Variants in TTC39C observed in about 807,000 individuals in gnomAD.
TTC39C encodes the protein tetratricopeptide repeat protein 39C.
Under a neutral mutation model 76.3 loss-of-function variants are expected in TTC39C, and 33 were observed. The observed-to-expected ratio is 0.43, with a 90% CI of 0.33 to 0.58. The LOEUF (loss-of-function observed/expected upper bound fraction) is 0.58. TTC39C is among the 20% of genes least tolerant of loss of function. The probability of loss-of-function intolerance (pLI) is 0.04; values close to 1 mark genes in which losing one functional copy is unlikely to be tolerated. For synonymous variants in TTC39C, 254 were observed against 260.6 expected (o/e 0.97, Z 0.24); for missense variants, 595 against 701.4 (o/e 0.85, Z 1.71).
chr18:24,021,539 CTTTT>C (rs60505555), intron 1 of TTC39C, among the ~76,000 whole-genome samples: 128 of 118,864 alleles, frequency 1.1e-3, no homozygotes, highest in Middle Eastern at 4.9e-3. Flanking sequence ...TTCTTTCCTT[CTTTT>C]TTTTTTTTTT....
In TTC39C at chr18:24,123,830, AC is replaced by A. The variant is rs1161150211; in HGVS notation, c.1187-3del. The A allele has an allele frequency of 4.4e-6, 7 of 1,601,466 alleles. No homozygotes were observed. Among genetic ancestry groups the A allele is most frequent in the Non-Finnish European group, 6.0e-6 (7 of 1,174,624 alleles). On this transcript the variant is annotated splice_polypyrimidine_tract_variant and splice_region_variant and intron_variant, in intron 8 of 13. Coordinates refer to ENST00000317571, the MANE Select transcript of TTC39C (RefSeq NM_001135993.2). ...TTAAGAAATATAATTATGGTTTCTT[AC>A]AGTTTGTCAGGGAGCCACTGGTGAT...
chr18:24,133,170 AAG>A lies in TTC39C; in HGVS notation c.*597_*598del, dbSNP rs1309438809. ...TGTTATCAGCAGAGCAATGAATAGA[AAG>A]CAGATCTCCTGACCACCAACTGACT... On this transcript the variant is annotated 3_prime_UTR_variant, in exon 14 of 14. Transcript: ENST00000317571. The A allele has an allele frequency of 6.6e-6, 1 of 152,218 alleles. No homozygotes were observed. Among genetic ancestry groups the A allele is most frequent in the Non-Finnish European group, 1.5e-5 (1 of 68,038 alleles). The allele number at this position is 152,218 out of a possible 1,614,324, so 9.4% of individuals were successfully genotyped here. A position where few individuals can be genotyped will look rare whatever the true frequency, so the allele number is the denominator to read the frequency against.
rs151160503 is a variant in TTC39C, at chr18:24,052,365, G to A, written c.168-11775G>A. On this transcript the variant is annotated intron_variant, in intron 1 of 13. Coordinates refer to ENST00000317571, the MANE Select transcript of TTC39C (RefSeq NM_001135993.2). ...CCCAGCACATAGCACTGGGCCGGCT[G>A]TGTACTTGGTGTTCAGCAAACATGT... Among the ~76,000 whole-genome samples, 405 of 152,266 alleles carry A rather than the reference G, an allele frequency of 2.7e-3. 1 individual carries two copies. Among genetic ancestry groups the A allele is most frequent in the African/African-American group, 9.3e-3 (388 of 41,554 alleles).
chr18:24,019,982 T>C (rs896294409), intron 1 of TTC39C: 7 of 1,461,364 alleles, frequency 4.8e-6, no homozygotes, highest in Non-Finnish European at 6.3e-6. Flanking sequence ...TGTCAGATTC[T>C]TGGGAGGACT....
intron 1 of TTC39C, among the ~76,000 whole-genome samples, chr18:24,049,947 T>C (rs73402287): frequency 0.019 from 2,853 of 152,322 alleles, 74 homozygotes; most frequent in African/African-American, 0.065. Context: ...TGGGTAGTCC[T>C]AACTCAAGAA....
intron 1 of TTC39C, among the ~76,000 whole-genome samples, chr18:24,043,626 G>A (rs2083825097): frequency 6.6e-6 from 1 of 152,158 alleles, no homozygotes; most frequent in Admixed American, 6.5e-5. Context: ...TGCTCAACAC[G>A]AGGCTGCAAG....
chr18:24,064,879 G>T (rs185801023), intron 2 of TTC39C, among the ~76,000 whole-genome samples: 1 of 152,048 alleles, frequency 6.6e-6, no homozygotes, highest in Non-Finnish European at 1.5e-5. Flanking sequence ...CAGGTACCAC[G>T]CCAGCTTCCA....
At chr18:24,022,196 G>A (rs1001876154) in intron 1 of TTC39C, among the ~76,000 whole-genome samples, 1 of 152,124 alleles carries the variant, frequency 6.6e-6, no homozygotes, top group East Asian at 1.9e-4. Context: ...TTTGGTATCC[G>A]CCGGGGGTCC....
chr18:24,021,320 G>A (rs1039853759), intron 1 of TTC39C, among the ~76,000 whole-genome samples: 5 of 152,114 alleles, frequency 3.3e-5, no homozygotes, highest in South Asian at 2.1e-4. Context: ...CCCTAAATTC[G>A]CGAGGCCGCT....
chr18:24,104,162 CCT>C (rs1167238336), intron 6 of TTC39C, among the ~76,000 whole-genome samples: 2 of 152,182 alleles, frequency 1.3e-5, no homozygotes, highest in African/African-American at 4.8e-5. Flanking sequence ...GAGCTCCTGA[CCT>C]CAAGTGATCC....
chr18:24,130,619 A>G (rs541509059), intron 12 of TTC39C, among the ~76,000 whole-genome samples: 75 of 152,240 alleles, frequency 4.9e-4, no homozygotes, highest in African/African-American at 1.8e-3. Context: ...TTTCTTCCCT[A>G]GCATTCAAAT....
At chr18:24,052,120 GC>G (rs1251926799) in intron 1 of TTC39C, among the ~76,000 whole-genome samples, 3 of 152,210 alleles carry the variant, frequency 2.0e-5, no homozygotes, top group Non-Finnish European at 4.4e-5. Context: ...ATCAAAGATG[GC>G]AAGTAGCCTT....
At chr18:24,105,704 T>C (rs2084737962) in intron 6 of TTC39C, among the ~76,000 whole-genome samples, 1 of 152,234 alleles carries the variant, frequency 6.6e-6, no homozygotes, top group African/African-American at 2.4e-5. Flanking sequence ...TGGGTGATGG[T>C]GGACAGAGGT....
chr18:24,073,549 G>A (rs2084267001), intron 4 of TTC39C, among the ~76,000 whole-genome samples: 1 of 150,658 alleles, frequency 6.6e-6, no homozygotes, highest in Admixed American at 6.6e-5. Flanking sequence ...TTTTTAAGAG[G>A]CAAGGTCTCA....
intron 1 of TTC39C, among the ~76,000 whole-genome samples, chr18:24,036,921 C>T (rs1453281399): frequency 6.6e-6 from 1 of 152,192 alleles, no homozygotes; most frequent in Non-Finnish European, 1.5e-5. Flanking sequence ...ACGTGAGCCA[C>T]CGTGCCTGGC....
intron 1 of TTC39C, among the ~76,000 whole-genome samples, chr18:24,028,684 C>A (rs1303249725): frequency 2.0e-5 from 3 of 152,088 alleles, no homozygotes; most frequent in Admixed American, 6.5e-5. Context: ...TGACTTTTAA[C>A]TGAAAAATAG....
At chr18:24,093,567 C>T (rs541003316) in intron 6 of TTC39C, among the ~76,000 whole-genome samples, 5 of 151,532 alleles carry the variant, frequency 3.3e-5, no homozygotes, top group Admixed American at 6.6e-5. Flanking sequence ...ACTGATTAAA[C>T]CAAGTTTGAT....
At chr18:24,011,057 C>A (rs1182792964), upstream of TTC39C, among the ~76,000 whole-genome samples, 1 of 152,130 alleles carries the variant, frequency 6.6e-6, no homozygotes, top group Non-Finnish European at 1.5e-5. Context: ...AAGAAAAAAA[C>A]CGAATGTAAT....
chr18:24,111,923 AT>A (rs1225602603), intron 6 of TTC39C, among the ~76,000 whole-genome samples: 1 of 150,262 alleles, frequency 6.7e-6, no homozygotes, highest in Non-Finnish European at 1.5e-5. Flanking sequence ...ATATATATAT[AT>A]TTTTTTTGGT....
Sources: gnomAD v4.1 joint callset for allele counts (sites outside exome capture counted in the v4.1 genomes callset) on GRCh38, gnomAD v4.1.1 for gene constraint, MANE v1.5 for transcripts, NCBI Gene and HGNC (gene_info 2026-07-23, HGNC 2026-07-21) for gene names.